The following DNER variants were observed in gnomAD, a reference collection of about 807,000 sequenced individuals.
DNER encodes the protein delta and Notch-like epidermal growth factor-related receptor.
A neutral mutation model predicts 78.2 loss-of-function variants in DNER; 33 were observed. The ratio of observed to expected loss-of-function variants is 0.42; its 90% confidence interval spans 0.32 to 0.56. The LOEUF (loss-of-function observed/expected upper bound fraction) is 0.56. Among genes scored for constraint, DNER ranks in the 20% least tolerant of loss-of-function variants. The pLI is 0.11. For missense variants in DNER, 918 were observed against 975.3 expected (o/e 0.94, Z 0.78); for synonymous variants, 417 against 384.8 (o/e 1.08, Z -0.98).
At chr2:229,595,561 C>T (rs1414901784) in intron 1 of DNER, among the ~76,000 whole-genome samples, 1 of 152,210 alleles carries the variant, frequency 6.6e-6, no homozygotes, top group Non-Finnish European at 1.5e-5. Context: ...GGATTATAGA[C>T]ATGAGCCACT....
At chr2:229,518,934 T>G (rs1006291098) in intron 5 of DNER, among the ~76,000 whole-genome samples, 7 of 150,560 alleles carry the variant, frequency 4.6e-5, no homozygotes, top group African/African-American at 1.7e-4. Flanking sequence ...TCAAGAACGA[T>G]GCAAATCATG....
chr2:229,504,178 T>C (rs1158551650), intron 6 of DNER, among the ~76,000 whole-genome samples: 1 of 152,210 alleles, frequency 6.6e-6, no homozygotes, highest in Admixed American at 6.5e-5. Flanking sequence ...CCTGTGTATC[T>C]CTTCATCTAT....
intron 1 of DNER, among the ~76,000 whole-genome samples, chr2:229,664,935 G>A (rs1210935580): frequency 6.6e-6 from 1 of 152,124 alleles, no homozygotes; most frequent in African/African-American, 2.4e-5. Context: ...TTATTCCAGA[G>A]ATCAAACTTC....
Position 229,557,736 on chromosome 2 carries a change from GA to G in DNER, c.848-10645del, listed in dbSNP as rs755815311. ...AAGATAGATACTGAGGGAGACAAAA[GA>G]AAAAAAAAAAGGAAATTAATACAGA... On this transcript the variant is annotated intron_variant, in intron 4 of 12. Coordinates refer to ENST00000341772, the MANE Select transcript of DNER (RefSeq NM_139072.4). 7.7e-3 allele frequency among the ~76,000 whole-genome samples: 997 copies of G among 130,180 alleles called. 6 individuals are homozygous for G. Among genetic ancestry groups the G allele is most frequent in the African/African-American group, 0.018 (626 of 35,338 alleles). 85.4% of individuals were successfully genotyped at this position (130,180 alleles called of 152,430 possible). A position where few individuals can be genotyped will look rare whatever the true frequency, so the allele number is the denominator to read the frequency against.
In DNER at chr2:229,675,672, A is replaced by G. The variant is rs74001412; in HGVS notation, c.276+38476T>C. Among the ~76,000 whole-genome samples the G allele has an allele frequency of 3.4e-3, 510 of 152,222 alleles. 1 individual carries two copies. The highest frequency in any genetic ancestry group is 0.012 in the African/African-American group (478 of 41,540). On this transcript the variant is annotated intron_variant, in intron 1 of 12. Transcript: ENST00000341772. ...GCCCCAGCCACTTGGCTCACATTTC[A>G]AAGAGGAAATGACCCACAGGCTCCC...
intron 6 of DNER, among the ~76,000 whole-genome samples, chr2:229,502,167 A>G (rs1357767642): frequency 1.3e-5 from 2 of 152,212 alleles, no homozygotes; most frequent in East Asian, 3.9e-4. Flanking sequence ...AAGGAAACCC[A>G]TATGGAGCAT....
chr2:229,464,827 C>T (rs1256725143), intron 7 of DNER, among the ~76,000 whole-genome samples: 2 of 152,040 alleles, frequency 1.3e-5, no homozygotes, highest in Non-Finnish European at 2.9e-5. Flanking sequence ...GTGAGGGCCC[C>T]TATGAAGAAG....
intron 7 of DNER, among the ~76,000 whole-genome samples, chr2:229,450,630 G>A (rs555195271): frequency 9.9e-5 from 15 of 152,268 alleles, no homozygotes; most frequent in African/African-American, 3.6e-4. Context: ...AATGCAATCT[G>A]ACTGGTGTCT....
intron 1 of DNER, among the ~76,000 whole-genome samples, chr2:229,666,268 C>T (rs1009635803): frequency 6.6e-6 from 1 of 152,164 alleles, no homozygotes; most frequent in Non-Finnish European, 1.5e-5. Context: ...CACCATCACA[C>T]GAGAAATGGA....
chr2:229,539,643 A>G (rs957739575), intron 5 of DNER, among the ~76,000 whole-genome samples: 1 of 152,140 alleles, frequency 6.6e-6, no homozygotes, highest in African/African-American at 2.4e-5. Context: ...CCGTTCTTTT[A>G]TTTGTTTTTC....
intron 11 of DNER, among the ~76,000 whole-genome samples, chr2:229,383,209 TG>T (rs1692784351): frequency 6.6e-6 from 1 of 152,086 alleles, no homozygotes; most frequent in African/African-American, 2.4e-5. Context: ...GACAAGCAAA[TG>T]CTAAGAGATT....
At chr2:229,522,961 A>ACACAGCTAGT (rs1294705897) in intron 5 of DNER, among the ~76,000 whole-genome samples, 1 of 152,258 alleles carries the variant, frequency 6.6e-6, no homozygotes, top group East Asian at 1.9e-4. Context: ...GCTCAAGGTC[A>ACACAGCTAGT]CACAGCTAGT....
intron 9 of DNER, among the ~76,000 whole-genome samples, chr2:229,416,795 G>C (rs1256866364): frequency 6.6e-6 from 1 of 152,004 alleles, no homozygotes; most frequent in East Asian, 1.9e-4. Context: ...CCCCATTCAG[G>C]GTCATCTACC....
intron 12 of DNER, among the ~76,000 whole-genome samples, chr2:229,363,448 A>C (rs1692259658): frequency 6.6e-6 from 1 of 152,254 alleles, no homozygotes; most frequent in Admixed American, 6.5e-5. Context: ...CCAGGAAAAG[A>C]GGGCCAATCA....
chr2:229,371,444 G>T (rs1235077195), intron 11 of DNER, among the ~76,000 whole-genome samples: 1 of 152,232 alleles, frequency 6.6e-6, no homozygotes, highest in Admixed American at 6.5e-5. Context: ...GACCAGGAAT[G>T]CATGTGCACG....
chr2:229,673,852 G>A (rs761130968), intron 1 of DNER, among the ~76,000 whole-genome samples: 5 of 152,174 alleles, frequency 3.3e-5, no homozygotes, highest in Non-Finnish European at 5.9e-5. Context: ...TGACGCATAC[G>A]GACAAACACA....
At chr2:229,648,301 T>C (rs970900303) in intron 1 of DNER, among the ~76,000 whole-genome samples, 1 of 152,228 alleles carries the variant, frequency 6.6e-6, no homozygotes, top group Admixed American at 6.5e-5. Flanking sequence ...AGATGCTCAA[T>C]AAAAGCAACT....
Position 229,407,350 on chromosome 2 carries a change from A to G in DNER, c.1610-5T>C. 1 of 1,611,084 alleles carries G rather than the reference A, an allele frequency of 6.2e-7. No homozygotes were observed. Among genetic ancestry groups the G allele is most frequent in the East Asian group, 2.2e-5 (1 of 44,764 alleles). ...TGTACAATTCACAGTGTGTTCCTGC[A>G]GAGAAACAAGCAAAACAGGATGACT... On this transcript the variant is annotated splice_region_variant and splice_polypyrimidine_tract_variant and intron_variant, in intron 9 of 12. Transcript: ENST00000341772.
At chr2:229,711,147 G>C (rs895681293) in intron 1 of DNER, among the ~76,000 whole-genome samples, 1 of 152,180 alleles carries the variant, frequency 6.6e-6, no homozygotes, top group African/African-American at 2.4e-5. Context: ...GCTGCATTTT[G>C]GGGTTGGGGC....
Sources: gnomAD v4.1 joint callset for allele counts (sites outside exome capture counted in the v4.1 genomes callset) on GRCh38, gnomAD v4.1.1 for gene constraint, MANE v1.5 for transcripts, NCBI Gene and HGNC (gene_info 2026-07-23, HGNC 2026-07-21) for gene names.